IL31RA: variants seen among roughly 807,000 people sequenced by gnomAD.
IL31RA encodes the protein interleukin-31 receptor subunit alpha.
A neutral mutation model predicts 83.7 loss-of-function variants in IL31RA; 66 were observed. The ratio of observed to expected loss-of-function variants is 0.79; its 90% CI spans 0.65 to 0.97. The LOEUF is 0.97. Ranked by LOEUF, IL31RA falls within the 50% of genes least tolerant of loss-of-function variation. The probability of loss-of-function intolerance (pLI) is 0.00; values close to 1 mark genes in which losing one functional copy is unlikely to be tolerated. For synonymous variants in IL31RA, 325 were observed against 329.0 expected (o/e 0.99, Z 0.13); for missense variants, 798 against 919.4 (o/e 0.87, Z 1.71).
chr5:55,899,778 G>C, intron 7 of IL31RA, 138 bp from the exon 8 acceptor site: 1 of 704,622 alleles, frequency 1.4e-6, no homozygotes. Context: ...ATTCATCCCT[G>C]GAGGGTAATT....
chr5:55,868,984 T>C, intron 3 of IL31RA, 76 bp downstream of exon 3: 1 of 876,520 alleles, frequency 1.1e-6, no homozygotes, highest in Admixed American at 1.7e-5. Context: ...ATGATTCACA[T>C]CCCATATGAA....
intron 2 of IL31RA, among the ~76,000 whole-genome samples, chr5:55,864,506 ACAC>A (rs913909443): frequency 3.3e-5 from 5 of 150,164 alleles, no homozygotes; most frequent in African/African-American, 4.9e-5. Flanking sequence ...CATACTACAC[ACAC>A]CACACTACAC....
rs748295704 is a variant in IL31RA, at chr5:55,906,260, T to A, written c.1224T>A (p.Ser408=). Reference sequence around the variant, plus strand: ...CCACCCTTTCCTGGGAATCTGTGTCTCAGGCCACGAACTGGACGATCCAGC... The same window carrying A: ...CCACCCTTTCCTGGGAATCTGTGTCACAGGCCACGAACTGGACGATCCAGC... ...EPTTLSWESV[S]QATNWTIQQD... Residue 408 remains serine (S), a synonymous_variant, in exon 9 of 15, where the codon TCT becomes TCA. Coordinates refer to ENST00000652347, the MANE Select transcript of IL31RA (RefSeq NM_139017.7). 10 of 1,614,172 alleles carry A rather than the reference T, an allele frequency of 6.2e-6. No individual in the cohort carries two copies. In the Admixed American group the frequency reaches 1.5e-4, roughly 24 times the overall value.
chr5:55,916,272 C>T (rs1038936953), intron 14 of IL31RA, among the ~76,000 whole-genome samples: 1 of 151,536 alleles, frequency 6.6e-6, no homozygotes, highest in South Asian at 2.1e-4. Context: ...CCCTGCTACT[C>T]AGGAAGCTGA....
intron 4 of IL31RA, among the ~76,000 whole-genome samples, chr5:55,879,938 T>A (rs1214543308): frequency 6.6e-6 from 1 of 152,154 alleles, no homozygotes; most frequent in Non-Finnish European, 1.5e-5. Flanking sequence ...GGTATTTGTG[T>A]TTATTCTGAC....
At chr5:55,867,157 T>TGTGTGTTTG (rs1746141730) in intron 2 of IL31RA, among the ~76,000 whole-genome samples, 1 of 55,064 alleles carries the variant, frequency 1.8e-5, no homozygotes, top group African/African-American at 6.0e-5. Context: ...GCATGTGTGT[T>TGTGTGTTTG]TGTGTGTGTG....
At chr5:55,870,477 A>G (rs1006526555) in intron 3 of IL31RA, among the ~76,000 whole-genome samples, 2 of 152,308 alleles carry the variant, frequency 1.3e-5, no homozygotes, top group Admixed American at 6.5e-5. Context: ...TTGAATATCA[A>G]TTGCTAGTAG....
chr5:55,842,656 T>C, the IL31RA span, among the ~76,000 whole-genome samples: 1 of 152,236 alleles, frequency 6.6e-6, no homozygotes, highest in Non-Finnish European at 1.5e-5. Context: ...CTGACAACAC[T>C]TGCCATTTTC....
intron 2 of IL31RA, among the ~76,000 whole-genome samples, chr5:55,859,998 T>C (rs1444024836): frequency 1.3e-5 from 2 of 152,176 alleles, no homozygotes; most frequent in African/African-American, 4.8e-5. Flanking sequence ...TGATGAAGTT[T>C]AGGTACATTT....
At chr5:55,852,836 T>G (rs889046608) in intron 1 of IL31RA, among the ~76,000 whole-genome samples, 2 of 152,206 alleles carry the variant, frequency 1.3e-5, no homozygotes, top group African/African-American at 2.4e-5. Context: ...GACATGTTGC[T>G]TACTGTTTTG....
At position 55,889,998 on chromosome 5, in the gene IL31RA, A is replaced by T. The variant is rs758268330; in HGVS notation, c.635A>T (p.Lys212Met). ...WMEVNFAKNR[K>M]DKNQTYNLTG... ...GAAGTCAACTTCGCTAAGAACCGTA[A>T]GGATAAAAACCAAACGTACAACCTC... Residue 212 changes from lysine to methionine, a missense_variant, in exon 6 of 15, where the codon AAG (lysine) becomes ATG (methionine). Lys to Met is a moderately conservative substitution (Grantham distance 95). Transcript: ENST00000652347. 3.7e-6 allele frequency: 6 copies of T among 1,614,086 alleles called. No homozygotes were observed. The Admixed American group carries it at 1.0e-4, about 27-fold the overall frequency.
At chr5:55,868,739 A>G in intron 2 of IL31RA, 52 bp from the exon 3 acceptor site, 1 of 1,000,420 alleles carries the variant, frequency 1.0e-6, no homozygotes, top group Non-Finnish European at 1.6e-6. Flanking sequence ...GGCAATATTT[A>G]TTGTGTACTG....
At chr5:55,910,384 G>T in intron 11 of IL31RA, 148 bp from the exon 12 acceptor site, 1 of 806,874 alleles carries the variant, frequency 1.2e-6, no homozygotes, top group Non-Finnish European at 2.1e-6. Flanking sequence ...AATCCATCTT[G>T]ATATTTAAGC....
intron 4 of IL31RA, among the ~76,000 whole-genome samples, chr5:55,878,302 T>A (rs1746980939): frequency 6.6e-6 from 1 of 152,236 alleles, no homozygotes. Context: ...TTTAAGGTGA[T>A]CATTTTAGGG....
At chr5:55,844,731 G>T in the IL31RA span, among the ~76,000 whole-genome samples, 3 of 125,590 alleles carry the variant, frequency 2.4e-5, no homozygotes, top group Non-Finnish European at 5.0e-5. Context: ...TCCCTTTCTG[G>T]TATTCCCATT....
chr5:55,907,078 T>G (rs1329415682), intron 9 of IL31RA, among the ~76,000 whole-genome samples: 2 of 152,244 alleles, frequency 1.3e-5, no homozygotes, highest in Non-Finnish European at 1.5e-5. Context: ...CCTATGGATC[T>G]CTCTGCTGCA....
intron 2 of IL31RA, among the ~76,000 whole-genome samples, chr5:55,867,225 G>GTGTGCA (rs1746187352): frequency 5.7e-5 from 7 of 121,888 alleles, no homozygotes; most frequent in African/African-American, 2.3e-4. Flanking sequence ...GTGTGTTTGT[G>GTGTGCA]TGTGTGTTTG....
intron 5 of IL31RA, 151 bp from the exon 6 acceptor site, chr5:55,889,819 T>C: frequency 2.8e-6 from 2 of 725,838 alleles, no homozygotes; most frequent in Non-Finnish European, 4.9e-6. Context: ...CAGGCACATA[T>C]GGAAGTCTGT....
intron 5 of IL31RA, among the ~76,000 whole-genome samples, chr5:55,889,477 A>C (rs1267897207): frequency 6.6e-6 from 1 of 152,212 alleles, no homozygotes; most frequent in Non-Finnish European, 1.5e-5. Flanking sequence ...CTGTGTTCTG[A>C]TCCTATTCTG....
Sources: gnomAD v4.1 joint callset for allele counts (sites outside exome capture counted in the v4.1 genomes callset) on GRCh38, gnomAD v4.1.1 for gene constraint, MANE v1.5 for transcripts, NCBI Gene and HGNC (gene_info 2026-07-23, HGNC 2026-07-21) for gene names.